Variants in CTNNA2 observed in about 807,000 individuals in gnomAD.
CTNNA2 encodes catenin alpha-2.
A neutral mutation model predicts 101.0 loss-of-function variants in CTNNA2; 42 were observed. The ratio of observed to expected loss-of-function variants is 0.42; its 90% confidence interval spans 0.32 to 0.54. The LOEUF (loss-of-function observed/expected upper bound fraction) is 0.54. Ranked by LOEUF, CTNNA2 falls within the 20% of genes least tolerant of loss-of-function variation. CTNNA2 has a pLI of 0.14. For synonymous variants in CTNNA2, 450 were observed against 456.4 expected, an observed-to-expected ratio of 0.99 and a Z score of 0.18; for missense variants, 871 against 1,223.1, an observed-to-expected ratio of 0.71 and a Z score of 4.29.
intron 2 of CTNNA2, among the ~76,000 whole-genome samples, chr2:79,261,636 G>C (rs2104287281): frequency 6.6e-6 from 1 of 152,330 alleles, no homozygotes; most frequent in Middle Eastern, 3.4e-3. Flanking sequence ...CACAGAGAGG[G>C]CAAGGAGCTC....
intron 10 of CTNNA2, among the ~76,000 whole-genome samples, chr2:80,545,509 A>G (rs190880296): frequency 1.8e-4 from 28 of 152,096 alleles, no homozygotes; most frequent in African/African-American, 5.3e-4. Flanking sequence ...TTGTGCCACT[A>G]TACTCTCCAC....
intron 7 of CTNNA2, among the ~76,000 whole-genome samples, chr2:79,944,519 G>A (rs1688364974): frequency 6.6e-6 from 1 of 152,142 alleles, no homozygotes; most frequent in Non-Finnish European, 1.5e-5. Context: ...TGTCACTCCA[G>A]TATAATGGGG....
At chr2:79,972,109 A>G (rs943336741) in intron 7 of CTNNA2, among the ~76,000 whole-genome samples, 1 of 152,220 alleles carries the variant, frequency 6.6e-6, no homozygotes, top group African/African-American at 2.4e-5. Context: ...AGAGGGGACC[A>G]TACAAGAACA....
intron 9 of CTNNA2, among the ~76,000 whole-genome samples, chr2:80,444,524 A>G (rs564527915): frequency 5.3e-5 from 8 of 152,240 alleles, no homozygotes; most frequent in East Asian, 3.9e-4. Context: ...GGACTGTCCT[A>G]TGAATTGTGG....
At chr2:80,307,672 A>G (rs1677160225) in intron 7 of CTNNA2, among the ~76,000 whole-genome samples, 15 of 152,196 alleles carry the variant, frequency 9.9e-5, no homozygotes, top group Admixed American at 9.8e-4. Context: ...TGTATATTGG[A>G]TAAGAGATGC....
chr2:79,727,564 T>TTTTTA (rs1220016060), intron 2 of CTNNA2, among the ~76,000 whole-genome samples: 21 of 152,214 alleles, frequency 1.4e-4, no homozygotes, highest in African/African-American at 3.6e-4. Flanking sequence ...GATATTTCTT[T>TTTTTA]TTTTATTTTA....
intron 7 of CTNNA2, among the ~76,000 whole-genome samples, chr2:80,157,542 T>A (rs578200649): frequency 6.6e-6 from 1 of 152,292 alleles, no homozygotes; most frequent in South Asian, 2.1e-4. Flanking sequence ...CGTGACCATT[T>A]TTTTGTTTAT....
intron 1 of CTNNA2, 57 bp from the exon 2 acceptor site, chr2:79,651,495 A>G (rs1558804264): frequency 6.6e-7 from 1 of 1,514,324 alleles, no homozygotes; most frequent in Admixed American, 1.7e-5. Context: ...TGAATCACCA[A>G]AGTTACAATT....
chr2:79,324,191 T>C (rs1244287155), intron 3 of CTNNA2, among the ~76,000 whole-genome samples: 1 of 152,208 alleles, frequency 6.6e-6, no homozygotes, highest in Admixed American at 6.5e-5. Flanking sequence ...ATTTTGTTAC[T>C]TGCAGCTCTG....
Position 79,472,344 on chromosome 2 carries a change from T to G in CTNNA2, c.-134-32710T>G, listed in dbSNP as rs1391294572. On this transcript the variant is annotated intron_variant, in intron 4 of 21. Coordinates refer to the CTNNA2 transcript ENST00000466387. ...CAGGCAGGAGTCTCAAATCTAGAGC[T>G]CTGTCTGCCAGGTGGCCTACTCCTA... Among the ~76,000 whole-genome samples the G allele has an allele frequency of 3.9e-5, 6 of 152,284 alleles. No homozygotes were observed. In the East Asian group the frequency reaches 1.2e-3, roughly 30 times the overall value.
chr2:79,826,024 A>T (rs1161474184), intron 3 of CTNNA2, among the ~76,000 whole-genome samples: 1 of 152,242 alleles, frequency 6.6e-6, no homozygotes, highest in East Asian at 1.9e-4. Context: ...TGGGTCTCAT[A>T]GACTCACTTT....
intron 2 of CTNNA2, among the ~76,000 whole-genome samples, chr2:79,274,541 A>G (rs1387439907): frequency 1.3e-5 from 2 of 152,094 alleles, no homozygotes; most frequent in Non-Finnish European, 2.9e-5. Context: ...ACATTCACAA[A>G]TAACTTCTCT....
chr2:79,230,893 AT>A (rs1674482775), intron 2 of CTNNA2, among the ~76,000 whole-genome samples: 1 of 152,174 alleles, frequency 6.6e-6, no homozygotes, highest in African/African-American at 2.4e-5. Flanking sequence ...TGGATTTCAG[AT>A]TTGCATGGGG....
intron 6 of CTNNA2, among the ~76,000 whole-genome samples, chr2:79,889,490 A>G (rs908330243): frequency 1.3e-5 from 2 of 152,226 alleles, no homozygotes; most frequent in African/African-American, 4.8e-5. Context: ...TACATTGGCC[A>G]TGCTAAACAA....
intron 2 of CTNNA2, among the ~76,000 whole-genome samples, chr2:79,689,089 T>C (rs1684121731): frequency 6.6e-6 from 1 of 151,626 alleles, no homozygotes; most frequent in South Asian, 2.1e-4. Context: ...TCATCCCAAA[T>C]ACAAGATATG....
chr2:79,274,509 AAAT>A (rs1675163669), intron 2 of CTNNA2, among the ~76,000 whole-genome samples: 1 of 151,974 alleles, frequency 6.6e-6, no homozygotes, highest in African/African-American at 2.4e-5. Flanking sequence ...ATAAATAACA[AAAT>A]AAATAACCTC....
intron 3 of CTNNA2, among the ~76,000 whole-genome samples, chr2:79,854,534 A>C (rs1680978364): frequency 6.6e-6 from 1 of 152,238 alleles, no homozygotes. Flanking sequence ...GGTCAATGTG[A>C]CTTTGTTTAT....
intron 7 of CTNNA2, among the ~76,000 whole-genome samples, chr2:80,349,023 G>A (rs961514223): frequency 1.3e-5 from 2 of 152,130 alleles, no homozygotes; most frequent in African/African-American, 4.8e-5. Context: ...ACAATGTAAA[G>A]GACAAATGGA....
At chr2:79,312,351 A>G (rs1011952603) in intron 2 of CTNNA2, among the ~76,000 whole-genome samples, 1 of 152,192 alleles carries the variant, frequency 6.6e-6, no homozygotes, top group African/African-American at 2.4e-5. Context: ...TGTGAAGTGA[A>G]CTGTGTATAC....
Sources: allele counts gnomAD v4.1 joint callset (sites outside exome capture counted in the v4.1 genomes callset), GRCh38; gene constraint gnomAD v4.1.1; transcripts MANE v1.5; gene names NCBI Gene and HGNC (gene_info 2026-07-23, HGNC 2026-07-21).